The following LRRC37A2 variants were observed in gnomAD, a reference collection of about 807,000 sequenced individuals.
LRRC37A2 encodes the protein leucine-rich repeat-containing protein 37A2.
LRRC37A2 carries 9 observed loss-of-function variants against 68.8 expected under a neutral mutation model. The observed-to-expected ratio is 0.13, with a 90% CI of 0.08 to 0.23. The LOEUF (loss-of-function observed/expected upper bound fraction) is 0.23. Among genes scored for constraint, LRRC37A2 ranks in the 10% least tolerant of loss-of-function variants. The pLI, the probability that LRRC37A2 is intolerant of heterozygous loss-of-function variation, is 1.00. For missense variants in LRRC37A2, 168 were observed against 950.4 expected (o/e 0.18, Z 10.82); for synonymous variants, 63 against 367.6 (o/e 0.17, Z 9.48).
chr17:46,785,704 G>A, the LRRC37A2 span, among the ~76,000 whole-genome samples: 6 of 152,234 alleles, frequency 3.9e-5, no homozygotes, highest in East Asian at 5.8e-4. Context: ...CTGGGCAGCC[G>A]TGGGGAGAAG....
chr17:46,721,365 G>A, the LRRC37A2 span, among the ~76,000 whole-genome samples: 14 of 150,924 alleles, frequency 9.3e-5, no homozygotes, highest in African/African-American at 3.4e-4. Flanking sequence ...GACACAGGCT[G>A]ACTGATGCCA....
At chr17:46,890,008 C>T in the LRRC37A2 span, among the ~76,000 whole-genome samples, 10 of 152,322 alleles carry the variant, frequency 6.6e-5, no homozygotes, top group East Asian at 7.7e-4. Context: ...CTATTATTAC[C>T]GCAAGTATCA....
At chr17:46,865,816 T>C in the LRRC37A2 span, among the ~76,000 whole-genome samples, 1 of 152,162 alleles carries the variant, frequency 6.6e-6, no homozygotes, top group East Asian at 1.9e-4. Flanking sequence ...TCACTTACGT[T>C]GCCCAGGCTG....
chr17:46,755,240 G>A, the LRRC37A2 span: 2 of 1,118,044 alleles, frequency 1.8e-6, no homozygotes, highest in Admixed American at 1.7e-5. Flanking sequence ...ACCGAACACT[G>A]CCTTCTCATG....
At chr17:46,865,137 G>A in the LRRC37A2 span, among the ~76,000 whole-genome samples, 1 of 152,186 alleles carries the variant, frequency 6.6e-6, no homozygotes, top group East Asian at 1.9e-4. Flanking sequence ...GCTTCAGCCC[G>A]AGCCTGAGTG....
chr17:46,973,299 C>T, the LRRC37A2 span, among the ~76,000 whole-genome samples: 10 of 151,940 alleles, frequency 6.6e-5, no homozygotes, highest in Non-Finnish European at 1.5e-4. Context: ...CACTCTCACT[C>T]TGCTGCTGCT....
intron 8 of LRRC37A2, among the ~76,000 whole-genome samples, chr17:46,541,783 A>G (rs1357294423): frequency 6.6e-6 from 1 of 151,058 alleles, no homozygotes; most frequent in Non-Finnish European, 1.5e-5. Flanking sequence ...TTAGGTACTT[A>G]GAGTATACCT....
the LRRC37A2 span, among the ~76,000 whole-genome samples, chr17:46,942,695 G>T: frequency 6.6e-6 from 1 of 152,218 alleles, no homozygotes; most frequent in South Asian, 2.1e-4. Flanking sequence ...CTGTCCTCAG[G>T]CCTTGCCCCT....
chr17:47,032,549 G>A, the LRRC37A2 span, among the ~76,000 whole-genome samples: 2 of 152,008 alleles, frequency 1.3e-5, no homozygotes, highest in Non-Finnish European at 2.9e-5. Context: ...AACTTGAACA[G>A]GACCTGTAGA....
At chr17:46,846,690 A>G in the LRRC37A2 span, among the ~76,000 whole-genome samples, 1 of 152,098 alleles carries the variant, frequency 6.6e-6, no homozygotes, top group Non-Finnish European at 1.5e-5. Context: ...GCTGCTGGAT[A>G]AAGGGCTGGA....
At chr17:46,793,272 TAAAAAAAAAA>T in the LRRC37A2 span, among the ~76,000 whole-genome samples, 8 of 41,970 alleles carry the variant, frequency 1.9e-4, no homozygotes, top group Admixed American at 4.2e-4. Context: ...AGACCCTGTC[TAAAAAAAAAA>T]AAAAAAAAAA....
the LRRC37A2 span, among the ~76,000 whole-genome samples, chr17:46,761,773 G>A: frequency 2.6e-5 from 4 of 152,230 alleles, no homozygotes; most frequent in Non-Finnish European, 5.9e-5. Context: ...TTTATGGGTA[G>A]GTCTGAAAAC....
At chr17:46,709,779 G>A in the LRRC37A2 span, among the ~76,000 whole-genome samples, 1 of 152,158 alleles carries the variant, frequency 6.6e-6, no homozygotes, top group African/African-American at 2.4e-5. Context: ...ATAGGCTTGA[G>A]TCACTGCGCC....
the LRRC37A2 span, among the ~76,000 whole-genome samples, chr17:46,495,578 T>G: frequency 6.7e-6 from 1 of 150,078 alleles, no homozygotes; most frequent in East Asian, 1.9e-4. Flanking sequence ...AGAGATGAGG[T>G]TTCACCATGT....
chr17:46,711,062 C>T, the LRRC37A2 span: 1 of 1,586,990 alleles, frequency 6.3e-7, no homozygotes, highest in Non-Finnish European at 8.5e-7. Flanking sequence ...TGGGGAGCTG[C>T]TGGTGCAGCA....
At chr17:46,544,766 T>C (rs1410356707) in intron 8 of LRRC37A2, among the ~76,000 whole-genome samples, 1 of 95,686 alleles carries the variant, frequency 1.0e-5, no homozygotes, top group Non-Finnish European at 1.9e-5. Context: ...AATTAATCAA[T>C]TGTCTCGGTC....
the LRRC37A2 span, among the ~76,000 whole-genome samples, chr17:46,817,805 A>C: frequency 8.5e-5 from 13 of 152,172 alleles, no homozygotes; most frequent in Admixed American, 3.3e-4. Context: ...AAAGAACAAC[A>C]AGCCTACCCC....
chr17:46,845,785 CTTTTTTTTT>C, the LRRC37A2 span, among the ~76,000 whole-genome samples: 1 of 86,782 alleles, frequency 1.2e-5, no homozygotes, highest in African/African-American at 5.2e-5. Context: ...ACTGTGCTGG[CTTTTTTTTT>C]TTTTTTTTTT....
chr17:46,769,621 C>A, the LRRC37A2 span, among the ~76,000 whole-genome samples: 1 of 151,970 alleles, frequency 6.6e-6, no homozygotes, highest in Non-Finnish European at 1.5e-5. Flanking sequence ...GGTGGACAGA[C>A]GAAGTGGCTG....
Sources: gnomAD v4.1 joint callset for allele counts (sites outside exome capture counted in the v4.1 genomes callset) on GRCh38, gnomAD v4.1.1 for gene constraint, MANE v1.5 for transcripts, NCBI Gene and HGNC (gene_info 2026-07-23, HGNC 2026-07-21) for gene names.